The following MEI1 variants were observed in gnomAD, a reference collection of about 807,000 sequenced individuals.
The protein encoded by MEI1 is meiotic double-stranded break formation protein 1.
In MEI1, 103 loss-of-function variants were observed where a neutral mutation model predicts 146.2. The observed-to-expected ratio is 0.70, with a 90% CI of 0.60 to 0.83. The LOEUF (loss-of-function observed/expected upper bound fraction) is 0.83. Ranked by LOEUF, MEI1 falls within the 40% of genes least tolerant of loss-of-function variation. MEI1 has a pLI of 0.00. For synonymous variants in MEI1, 652 were observed against 628.2 expected (o/e 1.04, Z -0.57); for missense variants, 1,529 against 1,533.0 (o/e 1.00, Z 0.04).
intron 19 of MEI1, among the ~76,000 whole-genome samples, chr22:41,765,560 T>C (rs1042400610): frequency 6.6e-6 from 1 of 152,166 alleles, no homozygotes; most frequent in African/African-American, 2.4e-5. Flanking sequence ...CAATTTTATT[T>C]TGATATTATT....
chr22:41,759,928 C>G (rs1385314304), intron 18 of MEI1, among the ~76,000 whole-genome samples: 1 of 152,160 alleles, frequency 6.6e-6, no homozygotes, highest in Non-Finnish European at 1.5e-5. Context: ...AATCCCAGCA[C>G]TTTGGGAGGC....
chr22:41,717,557 C>G (rs1277115195), intron 5 of MEI1, among the ~76,000 whole-genome samples: 1 of 152,034 alleles, frequency 6.6e-6, no homozygotes, highest in African/African-American at 2.4e-5. Context: ...CTTGGCCTCC[C>G]AAAGTGCTGA....
chr22:41,700,197 G>A (rs2068591868), intron 1 of MEI1, among the ~76,000 whole-genome samples: 1 of 152,244 alleles, frequency 6.6e-6, no homozygotes, highest in African/African-American at 2.4e-5. Context: ...AGGAGGGGCA[G>A]TCTGGGCTCC....
Position 41,745,923 on chromosome 22 carries a change from A to C in MEI1, c.1577A>C (p.Glu526Ala). 6.2e-7 allele frequency: 1 copy of C among 1,613,544 alleles called. No individual in the cohort carries two copies. The highest frequency in any genetic ancestry group is 1.3e-5 in the African/African-American group (1 of 75,036). Residue 526 changes from glutamate to alanine, a missense_variant, in exon 14 of 31, where the codon GAG becomes GCG. Transcript: ENST00000401548. The part of the protein sequence containing the change: ...IEFQSEPSAQ[E>A]NPFTAPSAKK... Reference sequence around the variant, plus strand: ...TTCCAGAGTGAGCCTTCAGCCCAGGAGAATCCATTCACAGCTCCCAGCGCC... The same window carrying C: ...TTCCAGAGTGAGCCTTCAGCCCAGGCGAATCCATTCACAGCTCCCAGCGCC...
At chr22:41,793,693 T>G in intron 26 of MEI1, 136 bp from the exon 27 acceptor site, 1 of 708,094 alleles carries the variant, frequency 1.4e-6, no homozygotes, top group Non-Finnish European at 2.3e-6. Flanking sequence ...CATTTCTTGA[T>G]TATCTACAGG....
intron 7 of MEI1, among the ~76,000 whole-genome samples, chr22:41,727,696 A>G (rs1183104358): frequency 1.3e-5 from 2 of 152,184 alleles, no homozygotes; most frequent in Non-Finnish European, 2.9e-5. Flanking sequence ...GATTTACGGC[A>G]GTGTAAGGAA....
intron 11 of MEI1, among the ~76,000 whole-genome samples, chr22:41,735,973 A>G (rs920910430): frequency 6.6e-6 from 1 of 152,240 alleles, no homozygotes; most frequent in Non-Finnish European, 1.5e-5. Flanking sequence ...CTTGAAAACA[A>G]CAGGTATTTA....
At chr22:41,758,642 A>T (rs1424044716) in intron 18 of MEI1, 109 bp downstream of exon 18, 2 of 1,154,520 alleles carry the variant, frequency 1.7e-6, no homozygotes, top group Admixed American at 5.3e-5. Flanking sequence ...CACTGGGGAC[A>T]CGGGGATAAG....
At chr22:41,730,495 TG>T in intron 8 of MEI1, 25 bp from the exon 9 acceptor site, 1 of 1,510,928 alleles carries the variant, frequency 6.6e-7, no homozygotes, top group Non-Finnish European at 9.2e-7. Context: ...TGTCATTTAT[TG>T]TTTTCTCATC....
At chr22:41,757,501 G>T (rs2074174707) in intron 17 of MEI1, among the ~76,000 whole-genome samples, 1 of 152,078 alleles carries the variant, frequency 6.6e-6, no homozygotes, top group African/African-American at 2.4e-5. Context: ...GGGATTACAG[G>T]CGCCCGCCAT....
At chr22:41,798,885 A>AC (rs1387276929) in intron 30 of MEI1, among the ~76,000 whole-genome samples, 1 of 151,830 alleles carries the variant, frequency 6.6e-6, no homozygotes, top group Non-Finnish European at 1.5e-5. Flanking sequence ...TCAAAAAAAA[A>AC]AAAAAAAAGC....
intron 21 of MEI1, 39 bp from the exon 22 acceptor site, chr22:41,778,669 G>A (rs2075596702): frequency 6.7e-7 from 1 of 1,493,240 alleles, no homozygotes; most frequent in Non-Finnish European, 9.2e-7. Flanking sequence ...GGTGATCTGA[G>A]CATCAGGCTT....
chr22:41,729,009 C>G (rs1001757392), intron 7 of MEI1, among the ~76,000 whole-genome samples: 1 of 149,892 alleles, frequency 6.7e-6, no homozygotes, highest in African/African-American at 2.5e-5. Context: ...ACTAAAAATA[C>G]AAAAATTAGC....
rs2070387437 is a variant in MEI1 at position 41,718,172 on chromosome 22, G to A, written c.631G>A (p.Ala211Thr). 6.2e-7 allele frequency: 1 copy of A among 1,613,816 alleles called. No homozygotes were observed. The highest frequency in any genetic ancestry group is 1.7e-5 in the Admixed American group (1 of 59,990). ...TGGGAAGCTATACTCCTCACCAGTG[G>A]CAGCTGAGATGCTTTCAGGACACTT... is the stretch of plus-strand genomic sequence containing the variant. ...LYGKLYSSPV[A>T]AEMLSGHFRE... The change falls in exon 6 of 31, where the codon GCA (alanine) becomes ACA (threonine). Residue 211 changes from alanine to threonine, a missense_variant. Ala to Thr is a moderately conservative substitution (Grantham distance 58, BLOSUM62 0). This residue lies in a region of MEI1 where 1,212 missense variants were observed against 1,178.9 expected (regional missense o/e 1.03). Transcript: ENST00000401548.
At chr22:41,787,772 T>C (rs1007164563) in intron 26 of MEI1, among the ~76,000 whole-genome samples, 2 of 152,184 alleles carry the variant, frequency 1.3e-5, no homozygotes, top group African/African-American at 2.4e-5. Flanking sequence ...CTGGGAATGT[T>C]TGTTGAATGG....
At chr22:41,720,662 T>C (rs1164671164) in intron 6 of MEI1, among the ~76,000 whole-genome samples, 1 of 151,164 alleles carries the variant, frequency 6.6e-6, no homozygotes, top group Non-Finnish European at 1.5e-5. Context: ...GTGGGCGTGA[T>C]CTCAGCTCAC....
At chr22:41,709,187 A>G in intron 3 of MEI1, 1 of 803,128 alleles carries the variant, frequency 1.2e-6, no homozygotes, top group South Asian at 1.3e-5. Context: ...TACAGTCACC[A>G]GAAGTACACA....
intron 24 of MEI1, among the ~76,000 whole-genome samples, chr22:41,783,217 GA>G (rs1300183603): frequency 1.3e-5 from 2 of 151,966 alleles, no homozygotes; most frequent in African/African-American, 2.4e-5. Context: ...TAGATTTATA[GA>G]AAAATGGTGC....
chr22:41,780,751 T>A (rs536512761), intron 22 of MEI1, among the ~76,000 whole-genome samples: 2 of 152,126 alleles, frequency 1.3e-5, no homozygotes, highest in East Asian at 3.9e-4. Context: ...CAGCTAATTT[T>A]TTGTATTTTT....
Sources: gnomAD v4.1 joint callset for allele counts (sites outside exome capture counted in the v4.1 genomes callset) on GRCh38, gnomAD v4.1.1 for gene constraint, gnomAD v4.1.1 regional missense constraint, MANE v1.5 for transcripts, NCBI Gene and HGNC (gene_info 2026-07-23, HGNC 2026-07-21) for gene names.